Variants in CYRIB observed in about 807,000 individuals in gnomAD.
The protein encoded by CYRIB is CYFIP-related Rac1 interactor B.
In CYRIB, 8 loss-of-function variants were observed where a neutral mutation model predicts 44.2. The observed-to-expected ratio is 0.18, with a 90% confidence interval of 0.11 to 0.33. CYRIB has a LOEUF of 0.33. CYRIB is among the 10% of genes least tolerant of loss of function. The pLI is 1.00. For missense variants in CYRIB, 185 were observed against 382.8 expected (o/e 0.48, Z 4.31); for synonymous variants, 131 against 127.2 (o/e 1.03, Z -0.20).
At chr8:129,999,794 T>C (rs1346210294) in intron 1 of CYRIB, among the ~76,000 whole-genome samples, 1 of 152,068 alleles carries the variant, frequency 6.6e-6, no homozygotes, top group Admixed American at 6.5e-5. Flanking sequence ...GCCCAGATAA[T>C]ATTTTTATTT....
At chr8:129,920,020 T>C (rs2082718455) in intron 1 of CYRIB, among the ~76,000 whole-genome samples, 1 of 151,850 alleles carries the variant, frequency 6.6e-6, no homozygotes, top group Non-Finnish European at 1.5e-5. Flanking sequence ...TTCTATTTAT[T>C]GGATAGCTTA....
intron 1 of CYRIB, among the ~76,000 whole-genome samples, chr8:129,989,146 G>A (rs1042068359): frequency 2.0e-5 from 3 of 152,046 alleles, no homozygotes; most frequent in African/African-American, 7.2e-5. Flanking sequence ...CTCAAGAATG[G>A]AAGCCACAGA....
intron 2 of CYRIB, 53 bp from the exon 5 acceptor site, chr8:129,879,524 T>C: frequency 1.5e-6 from 2 of 1,309,276 alleles, no homozygotes; most frequent in African/African-American, 1.5e-5. Flanking sequence ...AAAAAGAACA[T>C]CTGAAGTTTA....
chr8:129,883,112 CAAAAAAAAAAA>C (rs34764499), intron 2 of CYRIB, among the ~76,000 whole-genome samples: 11 of 41,250 alleles, frequency 2.7e-4, no homozygotes, highest in African/African-American at 6.8e-4. Context: ...GACTCCCTCT[CAAAAAAAAAAA>C]AAAAAAAAAA....
intron 2 of CYRIB, among the ~76,000 whole-genome samples, chr8:129,955,515 G>C (rs918892825): frequency 2.0e-5 from 3 of 151,996 alleles, no homozygotes; most frequent in African/African-American, 7.3e-5. Flanking sequence ...TACAGACGTC[G>C]GAAATCTATA....
chr8:129,880,855 T>C (rs1380014295), intron 2 of CYRIB, among the ~76,000 whole-genome samples: 2 of 152,212 alleles, frequency 1.3e-5, no homozygotes, highest in African/African-American at 4.8e-5. Flanking sequence ...ATTTTCCTTC[T>C]TGCAGAGTCA....
chr8:130,002,822 G>A (rs954992205), intron 1 of CYRIB, among the ~76,000 whole-genome samples: 5 of 152,204 alleles, frequency 3.3e-5, no homozygotes, highest in Admixed American at 6.5e-5. Context: ...AGCTAGCCAG[G>A]TGCGGTGGCC....
chr8:129,845,108 T>G (rs1164537224), intron 11 of CYRIB, among the ~76,000 whole-genome samples: 1 of 152,194 alleles, frequency 6.6e-6, no homozygotes, highest in Non-Finnish European at 1.5e-5. Context: ...ACTTCAACCC[T>G]GTCTTTCACT....
intron 2 of CYRIB, among the ~76,000 whole-genome samples, chr8:129,894,029 T>C (rs141129010): frequency 0.012 from 1,765 of 152,346 alleles, 33 homozygotes; most frequent in African/African-American, 0.04. Context: ...ATTGTAGCTA[T>C]TACATACTAT....
chr8:129,998,127 A>C lies in CYRIB; in HGVS notation c.-296+18243T>G, dbSNP rs912120199. On this transcript the variant is annotated intron_variant, in intron 1 of 14. Transcript: ENST00000401979. ...ACAGCGAGACTCTGTCTCAAAAAAAAAAAAAAAAAAACAAAAAAAACACCT... is the reference window on the plus strand; with the variant it reads ...ACAGCGAGACTCTGTCTCAAAAAAACAAAAAAAAAAACAAAAAAAACACCT... Among the ~76,000 whole-genome samples, 5 of 147,512 alleles carry C rather than the reference A, an allele frequency of 3.4e-5. No homozygotes were observed. The South Asian group carries it at 6.4e-4, about 19-fold the overall frequency.
At chr8:129,858,990 A>T (rs2047715315) in intron 5 of CYRIB, among the ~76,000 whole-genome samples, 1 of 152,216 alleles carries the variant, frequency 6.6e-6, no homozygotes, top group South Asian at 2.1e-4. Flanking sequence ...AAGACACAAG[A>T]CAAAGATAAA....
rs1355615247 is a variant in CYRIB, at chr8:129,891,356, G to A, written c.-10-11885C>T. 4.6e-5 allele frequency among the ~76,000 whole-genome samples: 7 copies of A among 152,092 alleles called. No homozygotes were observed. The East Asian group carries it at 7.7e-4, about 17-fold the overall frequency. On this transcript the variant is annotated intron_variant, in intron 2 of 11. Transcript: ENST00000519824. ...TCCTGGTTGGAATTTGACTGATATC[G>A]GAGAAGTTCTAGAGAACAGCTTAAT...
At chr8:129,889,039 C>A (rs1425901618) in intron 2 of CYRIB, among the ~76,000 whole-genome samples, 1 of 152,080 alleles carries the variant, frequency 6.6e-6, no homozygotes, top group East Asian at 1.9e-4. Flanking sequence ...TTGCAGTGAG[C>A]CAAGATCGCA....
chr8:130,007,319 C>T (rs550997076), intron 1 of CYRIB, among the ~76,000 whole-genome samples: 23 of 152,236 alleles, frequency 1.5e-4, no homozygotes, highest in African/African-American at 5.5e-4. Context: ...TGAGGTTCAC[C>T]CAAAGGAGGT....
At chr8:129,977,746 A>C (rs1021456046) in intron 1 of CYRIB, among the ~76,000 whole-genome samples, 1 of 152,096 alleles carries the variant, frequency 6.6e-6, no homozygotes, top group East Asian at 1.9e-4. Context: ...GTTAGCCAGG[A>C]TGGTCTCGAT....
At chr8:129,929,640 C>T (rs1222073403) in intron 1 of CYRIB, among the ~76,000 whole-genome samples, 1 of 152,108 alleles carries the variant, frequency 6.6e-6, no homozygotes, top group East Asian at 1.9e-4. Context: ...GAAAACAAAA[C>T]ATTTTAAATG....
At chr8:129,968,975 C>T (rs970704130) in intron 2 of CYRIB, among the ~76,000 whole-genome samples, 2 of 149,296 alleles carry the variant, frequency 1.3e-5, no homozygotes, top group Non-Finnish European at 1.5e-5. Flanking sequence ...GTAGTCATGG[C>T]TTCAGCTCAC....
rs557036986 is a variant in CYRIB, at chr8:129,869,281, G to C, written c.195+2094C>G. On this transcript the variant is annotated intron_variant, in intron 4 of 11. Coordinates refer to ENST00000519824, the Ensembl canonical transcript of CYRIB. ...CATGCCTGTAATCCCAGCTACTCGG[G>C]AGGCTGAGGCAGAATTGCTTGAACC... 7.3e-5 allele frequency among the ~76,000 whole-genome samples: 11 copies of C among 150,572 alleles called. No homozygotes were observed. The South Asian group carries it at 2.3e-3, about 32-fold the overall frequency.
At chr8:130,011,652 C>G (rs545197474) in intron 1 of CYRIB, among the ~76,000 whole-genome samples, 1 of 149,522 alleles carries the variant, frequency 6.7e-6, no homozygotes, top group Non-Finnish European at 1.5e-5. Context: ...CCCATCTCTA[C>G]TAAAAATACA....
Sources: gnomAD v4.1 joint callset for allele counts (sites outside exome capture counted in the v4.1 genomes callset) on GRCh38, gnomAD v4.1.1 for gene constraint, MANE v1.5 for transcripts, NCBI Gene and HGNC (gene_info 2026-07-23, HGNC 2026-07-21) for gene names.